Variants in CNTN4 observed in about 807,000 individuals in gnomAD.
CNTN4 encodes the protein contactin-4.
CNTN4 carries 77 observed loss-of-function variants against 122.5 expected under a neutral mutation model. The observed-to-expected ratio is 0.63, with a 90% CI of 0.52 to 0.76. CNTN4 has a LOEUF of 0.76. Among genes scored for constraint, CNTN4 ranks in the 30% least tolerant of loss-of-function variants. The probability of loss-of-function intolerance (pLI) is 0.00; values close to 1 mark genes in which losing one functional copy is unlikely to be tolerated. For synonymous variants in CNTN4, 512 were observed against 447.0 expected (o/e 1.15, Z -1.83); for missense variants, 1,256 against 1,259.1 (o/e 1.00, Z 0.04).
At chr3:2,405,162 A>T (rs1456985201) in intron 3 of CNTN4, among the ~76,000 whole-genome samples, 1 of 152,164 alleles carries the variant, frequency 6.6e-6, no homozygotes, top group Non-Finnish European at 1.5e-5. Context: ...ATCCAGTTTC[A>T]GAGCAGGGGC....
intron 3 of CNTN4, among the ~76,000 whole-genome samples, chr3:2,384,760 G>A (rs913448088): frequency 3.0e-5 from 4 of 134,298 alleles, no homozygotes; most frequent in African/African-American, 8.2e-5. Context: ...CTCAATGTGT[G>A]CGTGTGTGTG....
At chr3:2,470,599 G>A (rs2075652547) in intron 3 of CNTN4, among the ~76,000 whole-genome samples, 1 of 151,912 alleles carries the variant, frequency 6.6e-6, no homozygotes, top group African/African-American at 2.4e-5. Context: ...CCACAGTCTT[G>A]TCTGCCACCA....
At chr3:2,113,662 C>G (rs529632461) in intron 2 of CNTN4, among the ~76,000 whole-genome samples, 1 of 148,210 alleles carries the variant, frequency 6.7e-6, no homozygotes, top group East Asian at 2.3e-4. Context: ...TGAGTTTGGC[C>G]AAATGATGAT....
chr3:2,543,312 G>A (rs376896547), intron 3 of CNTN4, among the ~76,000 whole-genome samples: 13 of 152,088 alleles, frequency 8.5e-5, no homozygotes, highest in African/African-American at 2.9e-4. Context: ...CTCAGATTCA[G>A]AAGCAATCCT....
At chr3:2,205,325 T>C in intron 2 of CNTN4, among the ~76,000 whole-genome samples, 1 of 149,580 alleles carries the variant, frequency 6.7e-6, no homozygotes, top group East Asian at 1.9e-4. Flanking sequence ...AATTACTAAT[T>C]TATTTTGTAA....
intron 4 of CNTN4, among the ~76,000 whole-genome samples, chr3:2,673,588 T>A (rs1247812441): frequency 1.3e-5 from 2 of 152,166 alleles, no homozygotes; most frequent in African/African-American, 2.4e-5. Flanking sequence ...TCGCCCAGGC[T>A]GGAGTGCAGT....
chr3:2,101,030 C>T (rs533939622), intron 2 of CNTN4, among the ~76,000 whole-genome samples: 1 of 152,324 alleles, frequency 6.6e-6, no homozygotes, highest in South Asian at 2.1e-4. Flanking sequence ...CAACACTTTT[C>T]AGTTTCTTTG....
chr3:2,219,576 T>C (rs1053162524), intron 2 of CNTN4, among the ~76,000 whole-genome samples: 69 of 152,304 alleles, frequency 4.5e-4, no homozygotes, highest in African/African-American at 1.5e-3. Flanking sequence ...TTTGGTGTTA[T>C]CTCTACCTGT....
At chr3:2,291,890 T>C (rs1180277575) in intron 2 of CNTN4, among the ~76,000 whole-genome samples, 7 of 152,024 alleles carry the variant, frequency 4.6e-5, no homozygotes, top group Admixed American at 3.3e-4. Flanking sequence ...TTCGCTACCA[T>C]GCATGACTAA....
intron 2 of CNTN4, among the ~76,000 whole-genome samples, chr3:2,203,564 G>A (rs927743519): frequency 1.3e-4 from 20 of 152,122 alleles, no homozygotes; most frequent in Non-Finnish European, 2.5e-4. Flanking sequence ...CATGGGCCAT[G>A]AGAAAGGCTC....
intron 2 of CNTN4, among the ~76,000 whole-genome samples, chr3:2,249,126 G>T (rs1373732440): frequency 8.9e-6 from 1 of 111,862 alleles, no homozygotes; most frequent in African/African-American, 2.9e-5. Flanking sequence ...ATTATTATTT[G>T]TCAATTAAAG....
intron 3 of CNTN4, among the ~76,000 whole-genome samples, chr3:2,555,014 T>A (rs1002809424): frequency 6.6e-6 from 1 of 152,238 alleles, no homozygotes; most frequent in Non-Finnish European, 1.5e-5. Flanking sequence ...TAAAGTGATC[T>A]GTCTCTGTTG....
intron 3 of CNTN4, among the ~76,000 whole-genome samples, chr3:2,449,732 G>T (rs187933625): frequency 1.3e-5 from 2 of 152,134 alleles, no homozygotes; most frequent in African/African-American, 2.4e-5. Flanking sequence ...TAAAAATGTG[G>T]TATATTTATG....
intron 24 of CNTN4, 39 bp downstream of exon 24, chr3:3,054,014 C>T: frequency 6.2e-7 from 1 of 1,602,388 alleles, no homozygotes; most frequent in Non-Finnish European, 8.5e-7. Context: ...TCCTGCCTGT[C>T]TTATCTTATC....
chr3:2,735,891 G>A (rs2089049059), intron 4 of CNTN4: 2 of 481,628 alleles, frequency 4.2e-6, no homozygotes, highest in Non-Finnish European at 4.1e-6. Context: ...GATACGGGAA[G>A]CACAAAGTAA....
At chr3:2,310,013 C>G (rs76744988) in intron 2 of CNTN4, among the ~76,000 whole-genome samples, 1 of 152,086 alleles carries the variant, frequency 6.6e-6, no homozygotes, top group Non-Finnish European at 1.5e-5. Context: ...GTCCCTACCT[C>G]TTTTTATATC....
At chr3:2,966,370 C>CA (rs1692309612) in intron 13 of CNTN4, among the ~76,000 whole-genome samples, 2 of 152,008 alleles carry the variant, frequency 1.3e-5, no homozygotes, top group East Asian at 3.9e-4. Context: ...AAATAAAAGG[C>CA]ATTCAGGCAC....
intron 3 of CNTN4, among the ~76,000 whole-genome samples, chr3:2,530,114 AT>A (rs2077541737): frequency 3.3e-5 from 5 of 152,098 alleles, no homozygotes; most frequent in Admixed American, 3.3e-4. Flanking sequence ...CTTGTAATAA[AT>A]CCACTGATTT....
At chr3:2,108,478 A>C (rs949967845) in intron 2 of CNTN4, among the ~76,000 whole-genome samples, 4 of 152,182 alleles carry the variant, frequency 2.6e-5, no homozygotes, top group Non-Finnish European at 4.4e-5. Context: ...TGATCAAGCC[A>C]GGAGAAATTT....
Sources: allele counts gnomAD v4.1 joint callset (sites outside exome capture counted in the v4.1 genomes callset), GRCh38; gene constraint gnomAD v4.1.1; transcripts MANE v1.5; gene names NCBI Gene and HGNC (gene_info 2026-07-23, HGNC 2026-07-21).